EYS: variants seen among roughly 807,000 people sequenced by gnomAD.
EYS encodes the protein EGF-like photoreceptor maintenance factor, also known as protein eyes shut homolog.
Under a neutral mutation model 282.1 loss-of-function variants are expected in EYS, and 250 were observed. The observed-to-expected ratio is 0.89, with a 90% CI of 0.80 to 0.98. The LOEUF (loss-of-function observed/expected upper bound fraction) is 0.98, where lower values mean the gene tolerates loss of function less well. Among genes scored for constraint, EYS ranks in the 50% least tolerant of loss-of-function variants. The pLI, the probability that EYS is intolerant of heterozygous loss-of-function variation, is 0.00. For synonymous variants in EYS, 1,355 were observed against 1,282.9 expected (o/e 1.06, Z -1.20); for missense variants, 4,016 against 3,709.0 (o/e 1.08, Z -2.15).
intron 2 of EYS, among the ~76,000 whole-genome samples, chr6:65,599,963 G>A (rs778456009): frequency 2.0e-5 from 3 of 152,006 alleles, no homozygotes; most frequent in African/African-American, 7.2e-5. Flanking sequence ...ATCTGCTAGT[G>A]ATCACTGCTG....
At chr6:64,899,046 G>A (rs377218442) in intron 18 of EYS, among the ~76,000 whole-genome samples, 20 of 151,988 alleles carry the variant, frequency 1.3e-4, no homozygotes, top group African/African-American at 4.6e-4. Flanking sequence ...TAGACAGATC[G>A]ATGAGACAGA....
intron 34 of EYS, among the ~76,000 whole-genome samples, chr6:63,986,887 T>A (rs1767393098): frequency 6.6e-6 from 1 of 151,586 alleles, no homozygotes; most frequent in South Asian, 2.1e-4. Flanking sequence ...TGACATGGTG[T>A]ACCCATGTAA....
intron 13 of EYS, among the ~76,000 whole-genome samples, chr6:65,010,934 G>C (rs1490843393): frequency 1.3e-5 from 2 of 152,092 alleles, no homozygotes; most frequent in Non-Finnish European, 2.9e-5. Context: ...GAAAGGAAAG[G>C]AAAGGAAAAT....
intron 12 of EYS, among the ~76,000 whole-genome samples, chr6:65,058,584 T>C (rs2150158108): frequency 6.6e-6 from 1 of 151,044 alleles, no homozygotes; most frequent in Middle Eastern, 3.4e-3. Flanking sequence ...TGAATTACTT[T>C]TTTTCTAGTA....
intron 15 of EYS, among the ~76,000 whole-genome samples, chr6:64,942,827 C>CAAAAAA (rs34826658): frequency 6.4e-5 from 6 of 94,302 alleles, no homozygotes; most frequent in African/African-American, 2.0e-4. Context: ...GTAACTCTTC[C>CAAAAAA]AAAAAAAAAA....
intron 36 of EYS, among the ~76,000 whole-genome samples, chr6:63,853,306 T>G (rs192020799): frequency 1.4e-3 from 220 of 152,156 alleles, no homozygotes; most frequent in African/African-American, 5.1e-3. Flanking sequence ...AAAATCAATA[T>G]GCAAAAATCA....
chr6:64,953,310 T>C (rs1420046229), intron 14 of EYS, among the ~76,000 whole-genome samples: 1 of 151,800 alleles, frequency 6.6e-6, no homozygotes, highest in African/African-American at 2.4e-5. Flanking sequence ...TTATAGTCTC[T>C]TTCTGATCAT....
intron 26 of EYS, among the ~76,000 whole-genome samples, chr6:64,513,992 G>A (rs1216820159): frequency 6.6e-6 from 1 of 151,804 alleles, no homozygotes; most frequent in Non-Finnish European, 1.5e-5. Context: ...ACCAGAGGCA[G>A]TGAGGTCAAG....
At chr6:65,678,044 T>C (rs974552771) in intron 1 of EYS, among the ~76,000 whole-genome samples, 3 of 152,058 alleles carry the variant, frequency 2.0e-5, no homozygotes, top group Non-Finnish European at 4.4e-5. Context: ...TGTACAAGCA[T>C]GTCTCCAGCA....
chr6:65,072,717 A>G (rs1180785645), intron 12 of EYS, among the ~76,000 whole-genome samples: 1 of 151,874 alleles, frequency 6.6e-6, no homozygotes. Context: ...TCAAATTCAA[A>G]AAAGAATCAC....
intron 12 of EYS, among the ~76,000 whole-genome samples, chr6:65,060,429 C>T (rs1042949819): frequency 6.6e-6 from 1 of 151,932 alleles, no homozygotes; most frequent in Non-Finnish European, 1.5e-5. Context: ...AAGTACAGTG[C>T]TTTAGCAGGA....
chr6:65,097,529 G>A (rs550897980), intron 12 of EYS, among the ~76,000 whole-genome samples: 66 of 150,922 alleles, frequency 4.4e-4, no homozygotes, highest in Non-Finnish European at 7.2e-4. Context: ...ATCAGGACTC[G>A]ATGAAATAGC....
chr6:64,778,493 A>C (rs1266398095), intron 22 of EYS, among the ~76,000 whole-genome samples: 1 of 152,198 alleles, frequency 6.6e-6, no homozygotes, highest in African/African-American at 2.4e-5. Context: ...AGGTCTACCC[A>C]GCTATAATGG....
In EYS at chr6:64,095,747, T is replaced by C. The variant is rs1258971176; in HGVS notation, c.6425-13745A>G. The stretch of plus-strand genomic sequence containing the variant: ...TGTCTTTTAATTGGAGCATTTAGCC[T>C]ATTTACATTTAAGGTTAATATTGTT... On this transcript the variant is annotated intron_variant, in intron 31 of 42. Transcript: ENST00000503581. Among the ~76,000 whole-genome samples, 8 of 152,164 alleles carry C rather than the reference T, an allele frequency of 5.3e-5. No homozygotes were observed. The South Asian group carries it at 1.4e-3, about 28-fold the overall frequency.
intron 5 of EYS, among the ~76,000 whole-genome samples, chr6:65,470,711 T>C (rs16896691): frequency 0.025 from 3,748 of 152,254 alleles, 162 homozygotes; most frequent in African/African-American, 0.086. Flanking sequence ...GTTAGTACTA[T>C]AATCAAAGAG....
At chr6:65,513,385 T>G (rs1348733499) in intron 2 of EYS, among the ~76,000 whole-genome samples, 1 of 152,124 alleles carries the variant, frequency 6.6e-6, no homozygotes, top group African/African-American at 2.4e-5. Context: ...GTACCATTCC[T>G]TCTGAAACTA....
At chr6:65,222,257 G>T (rs910420549) in intron 12 of EYS, among the ~76,000 whole-genome samples, 1 of 152,118 alleles carries the variant, frequency 6.6e-6, no homozygotes, top group Non-Finnish European at 1.5e-5. Flanking sequence ...GCTATGTCCT[G>T]ACCCAAATCT....
chr6:64,058,960 C>A (rs75333383), intron 33 of EYS, among the ~76,000 whole-genome samples: 15 of 152,178 alleles, frequency 9.9e-5, no homozygotes, highest in African/African-American at 2.9e-4. Flanking sequence ...CAAAACATTT[C>A]TTGCCTTTTA....
chr6:64,985,503 G>C (rs1770827883), intron 14 of EYS, among the ~76,000 whole-genome samples: 1 of 151,412 alleles, frequency 6.6e-6, no homozygotes, highest in Admixed American at 6.6e-5. Flanking sequence ...AATTCACTTA[G>C]AACAATTCTA....
Sources: allele counts gnomAD v4.1 joint callset (sites outside exome capture counted in the v4.1 genomes callset), GRCh38; gene constraint gnomAD v4.1.1; transcripts MANE v1.5; gene names NCBI Gene and HGNC (gene_info 2026-07-23, HGNC 2026-07-21).